The following SMURF2 variants were observed in gnomAD, a reference collection of about 807,000 sequenced individuals.
The protein encoded by SMURF2 is SMAD specific E3 ubiquitin protein ligase 2.
Under a neutral mutation model 109.6 loss-of-function variants are expected in SMURF2, and 48 were observed. The observed-to-expected ratio is 0.44, with a 90% confidence interval of 0.35 to 0.56. The LOEUF (loss-of-function observed/expected upper bound fraction) is 0.56. Among genes scored for constraint, SMURF2 ranks in the 20% least tolerant of loss-of-function variants. The pLI, the probability that SMURF2 is intolerant of heterozygous loss-of-function variation, is 0.01. For missense variants in SMURF2, 575 were observed against 909.0 expected, an observed-to-expected ratio of 0.63 and a Z score of 4.72; for synonymous variants, 288 against 317.1, an observed-to-expected ratio of 0.91 and a Z score of 0.97.
chr17:64,545,925 G>A lies in SMURF2; in HGVS notation c.2170C>T (p.Pro724Ser), dbSNP rs782027289. 3.7e-6 allele frequency: 6 copies of A among 1,608,608 alleles called. No homozygotes were observed. In the South Asian group the frequency reaches 5.5e-5, roughly 15 times the overall value. The change falls in exon 19 of 19, where the codon CCC (proline) becomes TCC (serine). Residue 724 changes from proline (P) to serine (S), a missense_variant. By Grantham distance (74) the Pro-to-Ser change is moderately conservative. Transcript: ENST00000262435. ...HTCFNRIDIP[P>S]YESYEKLYEK... is the part of the protein sequence containing the mutation. ...TATAGCTTTTCATAGCTTTCATAGGGTGGAATGTCTATTCGATTGAAGCTG... is the reference window on the plus strand; with the variant it reads ...TATAGCTTTTCATAGCTTTCATAGGATGGAATGTCTATTCGATTGAAGCTG...
intron 2 of SMURF2, among the ~76,000 whole-genome samples, chr17:64,601,622 C>T (rs1421276526): frequency 6.6e-6 from 1 of 152,102 alleles, no homozygotes; most frequent in Non-Finnish European, 1.5e-5. Flanking sequence ...AGTACAACCA[C>T]TACGGAAAAC....
At chr17:64,637,923 CA>C (rs59701513) in intron 1 of SMURF2, among the ~76,000 whole-genome samples, 3,114 of 72,572 alleles carry the variant, frequency 0.043, 47 homozygotes, top group African/African-American at 0.049. Flanking sequence ...GCGCCCTAGT[CA>C]AAAAAAAAAA....
rs1970160980 is a variant in SMURF2, at chr17:64,618,950, T to G, written c.53-12310A>C. 2.0e-5 allele frequency among the ~76,000 whole-genome samples: 3 copies of G among 152,150 alleles called. No homozygotes were observed. The South Asian group carries it at 6.2e-4, about 32-fold the overall frequency. On this transcript the variant is annotated intron_variant, in intron 1 of 18. Transcript: ENST00000262435. ...CCTGGTGCTATCCCTTATGAACTTG[T>G]GACCCTAAAAACTACTTAACTTCTC...
intron 2 of SMURF2, 44 bp downstream of exon 2, chr17:64,606,558 A>T: frequency 7.4e-7 from 1 of 1,356,844 alleles, no homozygotes; most frequent in Non-Finnish European, 1.0e-6. Context: ...GCTGTTCCCA[A>T]AGATCTACAT....
At chr17:64,629,627 A>C (rs1479890540) in intron 1 of SMURF2, among the ~76,000 whole-genome samples, 6 of 152,208 alleles carry the variant, frequency 3.9e-5, no homozygotes, top group Non-Finnish European at 2.9e-5. Context: ...AGATTTTAGA[A>C]ACTTTTAGGC....
intron 7 of SMURF2, among the ~76,000 whole-genome samples, chr17:64,582,915 T>TG (rs58826226): frequency 0.031 from 4,642 of 151,516 alleles, 246 homozygotes; most frequent in African/African-American, 0.11. Flanking sequence ...TTTTTTTTTT[T>TG]GGGGACAGAG....
chr17:64,583,151 CAAAGTGCAGGGATTACAGGCAGCCTCGA>C (rs1284855590), intron 7 of SMURF2, among the ~76,000 whole-genome samples: 5 of 152,086 alleles, frequency 3.3e-5, no homozygotes, highest in Non-Finnish European at 5.9e-5. Context: ...CTTGGCCTCC[CAAAGTGCAGGGATTACAGGCAGCCTCGA>C]AAAGTGCAGG....
chr17:64,595,409 A>G (rs1340569837), intron 3 of SMURF2, among the ~76,000 whole-genome samples: 2 of 152,236 alleles, frequency 1.3e-5, no homozygotes, highest in Non-Finnish European at 2.9e-5. Context: ...TATAACATAC[A>G]TGGCAACAAA....
chr17:64,558,023 T>C (rs533489141), intron 12 of SMURF2, among the ~76,000 whole-genome samples: 2 of 152,298 alleles, frequency 1.3e-5, no homozygotes, highest in South Asian at 4.1e-4. Flanking sequence ...TACGGTCCAG[T>C]GGTCTGTTAC....
chr17:64,662,128 C>G lies in SMURF2; in HGVS notation c.-248G>C. The G allele has an allele frequency of 9.6e-7, 1 of 1,038,902 alleles. No homozygotes were observed. The highest frequency in any genetic ancestry group is 4.4e-5 in the South Asian group (1 of 22,662). 64.4% of individuals were successfully genotyped at this position (1,038,902 alleles called of 1,614,324 possible). ...CACAACAAAGCGGCAGCCGCGGCCGCCCGCGCCGCCTCCGCCCGCGCCCCC... is the reference window on the plus strand; with the variant it reads ...CACAACAAAGCGGCAGCCGCGGCCGGCCGCGCCGCCTCCGCCCGCGCCCCC... On this transcript the variant is annotated 5_prime_UTR_variant, in exon 1 of 19. Transcript: ENST00000262435.
At chr17:64,624,342 A>T (rs1275717053) in intron 1 of SMURF2, among the ~76,000 whole-genome samples, 3 of 134,966 alleles carry the variant, frequency 2.2e-5, no homozygotes, top group Admixed American at 7.5e-5. Flanking sequence ...ATAAAAAAAA[A>T]TTTTTTTTTG....
At chr17:64,654,161 A>C (rs1970675571) in intron 1 of SMURF2, among the ~76,000 whole-genome samples, 1 of 152,226 alleles carries the variant, frequency 6.6e-6, no homozygotes, top group Admixed American at 6.5e-5. Flanking sequence ...GCATGATTGC[A>C]ATCATCCACG....
chr17:64,586,962 G>A (rs1276005700), intron 5 of SMURF2, among the ~76,000 whole-genome samples: 1 of 151,880 alleles, frequency 6.6e-6, no homozygotes, highest in Non-Finnish European at 1.5e-5. Context: ...TCAGGAGATC[G>A]AGACTAGCCT....
At chr17:64,610,452 T>C (rs1464962871) in intron 1 of SMURF2, among the ~76,000 whole-genome samples, 36 of 152,296 alleles carry the variant, frequency 2.4e-4, no homozygotes, top group African/African-American at 8.4e-4. Flanking sequence ...TTCATGTCCT[T>C]TGCAGGGACA....
At chr17:64,649,235 A>G (rs1970602892) in intron 1 of SMURF2, among the ~76,000 whole-genome samples, 1 of 152,320 alleles carries the variant, frequency 6.6e-6, no homozygotes, top group African/African-American at 2.4e-5. Context: ...ACACTCATTT[A>G]GACTTTGGGT....
At chr17:64,573,655 G>T (rs1018744236) in intron 9 of SMURF2, among the ~76,000 whole-genome samples, 5 of 152,106 alleles carry the variant, frequency 3.3e-5, no homozygotes, top group Admixed American at 6.5e-5. Context: ...GTACCTGAGT[G>T]GCAGGTAGGC....
intron 17 of SMURF2, among the ~76,000 whole-genome samples, chr17:64,546,890 G>A (rs1165907749): frequency 2.0e-5 from 3 of 152,122 alleles, no homozygotes; most frequent in Non-Finnish European, 4.4e-5. Flanking sequence ...CTGAAAGCAC[G>A]CTCTCCCCCC....
In SMURF2 at chr17:64,551,654, G is replaced by A; in HGVS notation, c.1799C>T (p.Ala600Val). ...FLRGIEAQFL[A>V]LQKGFNEVIP... ...TACTTCATTAAATCCTTTCTGCAGA[G>A]CCAAGAATTGAGCCTCAATGCCTCG... is the stretch of plus-strand genomic sequence containing the variant. Residue 600 changes from alanine to valine, a missense_variant, in exon 16 of 19, where the codon GCT becomes GTT. Coordinates refer to ENST00000262435, the MANE Select transcript of SMURF2 (RefSeq NM_022739.4). The A allele has an allele frequency of 6.2e-7, 1 of 1,614,020 alleles. No homozygotes were observed.
chr17:64,587,246 G>A (rs1969677221), intron 5 of SMURF2, among the ~76,000 whole-genome samples: 1 of 152,120 alleles, frequency 6.6e-6, no homozygotes, highest in Non-Finnish European at 1.5e-5. Flanking sequence ...TGGTATTCCA[G>A]CAAAAGAGCA....
Sources: gnomAD v4.1 joint callset for allele counts (sites outside exome capture counted in the v4.1 genomes callset) on GRCh38, gnomAD v4.1.1 for gene constraint, MANE v1.5 for transcripts, NCBI Gene and HGNC (gene_info 2026-07-23, HGNC 2026-07-21) for gene names.